SAMSN1: variants seen among roughly 807,000 people sequenced by gnomAD.
The protein encoded by SAMSN1 is SAM domain-containing protein SAMSN-1.
A neutral mutation model predicts 42.0 loss-of-function variants in SAMSN1; 31 were observed. That is an observed-to-expected ratio of 0.74 (90% CI 0.55 to 1.00). SAMSN1 has a LOEUF of 1.00. Among genes scored for constraint, SAMSN1 ranks in the 50% least tolerant of loss-of-function variants. SAMSN1 has a pLI of 0.00. For synonymous variants in SAMSN1, 178 were observed against 151.9 expected (o/e 1.17, Z -1.26); for missense variants, 464 against 439.4 (o/e 1.06, Z -0.50).
intron 2 of SAMSN1, among the ~76,000 whole-genome samples, chr21:14,630,598 G>A (rs771185678): frequency 3.9e-5 from 6 of 152,098 alleles, no homozygotes; most frequent in Non-Finnish European, 8.8e-5. Flanking sequence ...GGTGGCAGAA[G>A]AACAGCTGTA....
At chr21:14,521,604 C>T (rs1480706010) in intron 1 of SAMSN1, among the ~76,000 whole-genome samples, 1 of 151,996 alleles carries the variant, frequency 6.6e-6, no homozygotes, top group Non-Finnish European at 1.5e-5. Flanking sequence ...ACCAACCAAC[C>T]AACAAACAAA....
intron 2 of SAMSN1, among the ~76,000 whole-genome samples, chr21:14,635,246 T>TA (rs1201386369): frequency 6.6e-6 from 1 of 152,112 alleles, no homozygotes; most frequent in Non-Finnish European, 1.5e-5. Context: ...GCTTAAAACT[T>TA]AGATGATGGG....
intron 2 of SAMSN1, among the ~76,000 whole-genome samples, chr21:14,622,620 T>A (rs1475015580): frequency 6.6e-6 from 1 of 152,128 alleles, no homozygotes; most frequent in Non-Finnish European, 1.5e-5. Flanking sequence ...TGGGACTATG[T>A]GAAAAGACCA....
chr21:14,560,804 C>T (rs1344254860), intron 2 of SAMSN1, among the ~76,000 whole-genome samples: 1 of 152,162 alleles, frequency 6.6e-6, no homozygotes, highest in Non-Finnish European at 1.5e-5. Flanking sequence ...TATACATGCT[C>T]GCCTTACATT....
At chr21:14,617,535 G>C (rs1982871068) in intron 2 of SAMSN1, among the ~76,000 whole-genome samples, 1 of 152,126 alleles carries the variant, frequency 6.6e-6, no homozygotes, top group Non-Finnish European at 1.5e-5. Context: ...CAAGCTCCAT[G>C]TTCCACAGTC....
intron 7 of SAMSN1, among the ~76,000 whole-genome samples, chr21:14,487,313 A>G (rs927721338): frequency 6.6e-6 from 1 of 151,954 alleles, no homozygotes; most frequent in Admixed American, 6.6e-5. Flanking sequence ...ATTAATTTAT[A>G]TCTAGGAAAT....
intron 1 of SAMSN1, among the ~76,000 whole-genome samples, chr21:14,645,347 A>G (rs1036485866): frequency 6.6e-6 from 1 of 152,252 alleles, no homozygotes; most frequent in East Asian, 1.9e-4. Flanking sequence ...GGGAGAAAGT[A>G]ATAAAAGAGA....
chr21:14,558,462 T>C (rs922325287), intron 2 of SAMSN1, among the ~76,000 whole-genome samples: 1 of 151,950 alleles, frequency 6.6e-6, no homozygotes, highest in African/African-American at 2.4e-5. Flanking sequence ...TAGATCCACA[T>C]GAGCTCAGGA....
intron 2 of SAMSN1, among the ~76,000 whole-genome samples, chr21:14,577,009 G>C (rs1568815720): frequency 7.0e-6 from 1 of 142,738 alleles, no homozygotes; most frequent in Non-Finnish European, 1.5e-5. Flanking sequence ...AGGAGGAATG[G>C]ATATTTGCTC....
At chr21:14,496,470 T>A (rs1411870886) in intron 7 of SAMSN1, 1 of 152,232 alleles carries the variant, frequency 6.6e-6, no homozygotes, top group Non-Finnish European at 1.5e-5. Context: ...CTGTACTTCA[T>A]GGTCAAATCA....
chr21:14,653,866 C>G (rs1197752275), intron 1 of SAMSN1, among the ~76,000 whole-genome samples: 1 of 137,154 alleles, frequency 7.3e-6, no homozygotes, highest in South Asian at 2.4e-4. Flanking sequence ...CACACACACA[C>G]ACAGCAGGAA....
intron 1 of SAMSN1, among the ~76,000 whole-genome samples, chr21:14,536,170 T>A (rs1049751480): frequency 6.6e-6 from 1 of 152,194 alleles, no homozygotes; most frequent in Non-Finnish European, 1.5e-5. Context: ...ATCAGTTTGG[T>A]AATGATAAAT....
chr21:14,544,253 A>G (rs1433062706), intron 1 of SAMSN1, among the ~76,000 whole-genome samples: 1 of 152,110 alleles, frequency 6.6e-6, no homozygotes, highest in Non-Finnish European at 1.5e-5. Context: ...GTTTTGCCAC[A>G]TTGCCCAGAC....
upstream of SAMSN1, among the ~76,000 whole-genome samples, chr21:14,659,413 C>G (rs1271160121): frequency 1.3e-5 from 2 of 151,918 alleles, no homozygotes; most frequent in Admixed American, 6.6e-5. Context: ...TTTCCTAACT[C>G]AAACCCCATA....
intron 2 of SAMSN1, chr21:14,619,596 A>T (rs1364038047): frequency 9.0e-6 from 2 of 222,312 alleles, no homozygotes; most frequent in African/African-American, 4.6e-5. Context: ...CTTATTGAAC[A>T]TCTACTATGT....
At position 14,517,061 on chromosome 21, in the gene SAMSN1, A is replaced by C. The variant is rs771366484; in HGVS notation, c.130-20T>G. ...ATGTGCCTAGTTTAGAATTGTTTAC[A>C]AAAGACAAAATAATAAAGCAATAAA... On this transcript the variant is annotated intron_variant, in intron 2 of 7. Transcript: ENST00000400566. The C allele has an allele frequency of 4.3e-5, 68 of 1,584,712 alleles. No homozygotes were observed. Among genetic ancestry groups the C allele is most frequent in the Admixed American group, 2.0e-4 (11 of 53,952 alleles).
At chr21:14,489,228 G>T (rs1986570658) in intron 7 of SAMSN1, among the ~76,000 whole-genome samples, 1 of 152,228 alleles carries the variant, frequency 6.6e-6, no homozygotes, top group Non-Finnish European at 1.5e-5. Context: ...GGGCTAACCA[G>T]GCAAGTAACA....
At chr21:14,572,264 A>T (rs1981324649) in intron 2 of SAMSN1, among the ~76,000 whole-genome samples, 1 of 152,212 alleles carries the variant, frequency 6.6e-6, no homozygotes, top group African/African-American at 2.4e-5. Flanking sequence ...ATCTAGTCCA[A>T]TTCTTACTAG....
intron 5 of SAMSN1, among the ~76,000 whole-genome samples, chr21:14,606,746 G>T (rs1982580637): frequency 6.6e-6 from 1 of 152,032 alleles, no homozygotes; most frequent in South Asian, 2.1e-4. Flanking sequence ...ACAGATGTAG[G>T]CTTAGATAAA....
Sources: gnomAD v4.1 joint callset for allele counts (sites outside exome capture counted in the v4.1 genomes callset) on GRCh38, gnomAD v4.1.1 for gene constraint, MANE v1.5 for transcripts, NCBI Gene and HGNC (gene_info 2026-07-23, HGNC 2026-07-21) for gene names.